The following IQGAP1 variants were observed in gnomAD, a reference collection of about 807,000 sequenced individuals.
IQGAP1 encodes ras GTPase-activating-like protein IQGAP1.
In IQGAP1, 66 loss-of-function variants were observed where a neutral mutation model predicts 215.6. The observed-to-expected ratio is 0.31, with a 90% CI of 0.25 to 0.38. The LOEUF (loss-of-function observed/expected upper bound fraction) is 0.38. Ranked by LOEUF, IQGAP1 falls within the 10% of genes least tolerant of loss-of-function variation. The pLI, the probability that IQGAP1 is intolerant of heterozygous loss-of-function variation, is 1.00. For synonymous variants in IQGAP1, 772 were observed against 728.7 expected, an observed-to-expected ratio of 1.06 and a Z score of -0.96; for missense variants, 1,712 against 1,997.1, an observed-to-expected ratio of 0.86 and a Z score of 2.72.
chr15:90,440,362 CA>C, intron 6 of IQGAP1, 139 bp from the exon 7 acceptor site: 1 of 605,814 alleles, frequency 1.7e-6, no homozygotes, highest in African/African-American at 1.9e-5. Flanking sequence ...GCTTTCCATA[CA>C]TTGTATCTTT....
intron 12 of IQGAP1, 64 bp from the exon 13 acceptor site, chr15:90,453,068 T>A: frequency 1.9e-6 from 3 of 1,558,016 alleles, no homozygotes; most frequent in Non-Finnish European, 2.6e-6. Flanking sequence ...ATTAAACTTA[T>A]AACTCCCTGG....
intron 3 of IQGAP1, among the ~76,000 whole-genome samples, chr15:90,426,509 CA>C (rs967641193): frequency 7.8e-5 from 11 of 140,772 alleles, no homozygotes; most frequent in African/African-American, 2.8e-4. Context: ...TGTCCCCCCA[CA>C]AAAAAATATG....
intron 11 of IQGAP1, among the ~76,000 whole-genome samples, chr15:90,451,045 C>T (rs1196209483): frequency 6.6e-6 from 1 of 152,066 alleles, no homozygotes; most frequent in African/African-American, 2.4e-5. Context: ...TTGCTTAGAC[C>T]AGTGTCCTGA....
Position 90,484,229 on chromosome 15 carries a change from C to T in IQGAP1, c.3798C>T (p.Phe1266=). ...SQSYQKFRRF[F]QTACDVPELQ... ...CCTGTGCTTATTTCAGACGGTTTTT[C>T]CAAACTGCTTGTGATGTCCCAGAGC... is the stretch of plus-strand genomic sequence containing the variant. The change falls in exon 30 of 38, where the codon TTC becomes TTT. Residue 1266 remains phenylalanine, a synonymous_variant. Coordinates refer to ENST00000268182, the MANE Select transcript of IQGAP1 (RefSeq NM_003870.4). 6.2e-7 allele frequency: 1 copy of T among 1,613,122 alleles called. No homozygotes were observed. Among genetic ancestry groups the T allele is most frequent in the Non-Finnish European group, 8.5e-7 (1 of 1,179,658 alleles).
chr15:90,447,525 A>G (rs1322941600), intron 9 of IQGAP1, among the ~76,000 whole-genome samples: 1 of 152,090 alleles, frequency 6.6e-6, no homozygotes, highest in Admixed American at 6.6e-5. Context: ...TATTTTTGGT[A>G]TTTTATTGAT....
intron 17 of IQGAP1, among the ~76,000 whole-genome samples, chr15:90,467,015 C>T (rs1347230284): frequency 6.6e-6 from 1 of 152,076 alleles, no homozygotes; most frequent in Non-Finnish European, 1.5e-5. Context: ...TCGCCTGAAC[C>T]CGGGAGGCAG....
intron 26 of IQGAP1, among the ~76,000 whole-genome samples, chr15:90,481,269 CTTTTTTTTTTT>C (rs57452745): frequency 0.19 from 22,054 of 113,272 alleles, 2,600 homozygotes; most frequent in East Asian, 0.5. Flanking sequence ...CTCTCTGCCT[CTTTTTTTTTTT>C]TTTTTTTTTT....
chr15:90,400,407 C>T (rs1292362537), intron 2 of IQGAP1, among the ~76,000 whole-genome samples: 5 of 152,084 alleles, frequency 3.3e-5, no homozygotes, highest in South Asian at 2.1e-4. Flanking sequence ...ATTCCTTTTC[C>T]GTCTCCATTC....
At chr15:90,477,428 C>T (rs907849167) in intron 25 of IQGAP1, among the ~76,000 whole-genome samples, 198 bp downstream of exon 25, 1 of 151,782 alleles carries the variant, frequency 6.6e-6, no homozygotes, top group African/African-American at 2.4e-5. Context: ...ACTTTAGGAA[C>T]ATTCTGTATT....
chr15:90,393,267 A>G (rs576989998), intron 2 of IQGAP1, among the ~76,000 whole-genome samples: 2 of 152,258 alleles, frequency 1.3e-5, no homozygotes, highest in South Asian at 2.1e-4. Context: ...CAACTTCCTT[A>G]TATAAAATGG....
intron 2 of IQGAP1, among the ~76,000 whole-genome samples, chr15:90,400,827 CCTGCCT>C (rs1262592123): frequency 6.6e-6 from 1 of 152,184 alleles, no homozygotes; most frequent in Non-Finnish European, 1.5e-5. Context: ...AGTGTGGTGA[CCTGCCT>C]CTGATTGCTG....
At chr15:90,389,478 G>A (rs1460041115) in intron 1 of IQGAP1, among the ~76,000 whole-genome samples, 1 of 151,596 alleles carries the variant, frequency 6.6e-6, no homozygotes, top group Non-Finnish European at 1.5e-5. Flanking sequence ...GAGTACAGGC[G>A]TCGGCCACCA....
chr15:90,388,348 G>A lies in IQGAP1; in HGVS notation c.7G>A (p.Ala3Thr), dbSNP rs751916563. The change falls in exon 1 of 38, where the codon GCC becomes ACC. Residue 3 changes from alanine to threonine, a missense_variant. By Grantham distance (58) the Ala-to-Thr change is moderately conservative (BLOSUM62 0). Around this residue, in one of 2 missense-constraint regions of IQGAP1, gnomAD observed 1,021 missense variants for 1,074.2 expected, o/e 0.95. Coordinates refer to ENST00000268182, the MANE Select transcript of IQGAP1 (RefSeq NM_003870.4). The stretch of plus-strand genomic sequence containing the variant: ...AGACTCGGGCTCGTCCGCCATGTCC[G>A]CCGCAGACGAGGTTGACGGGCTGGG... MSAADEVDGLGVA... is the reference protein window; with the variant it reads MSTADEVDGLGVA... The A allele has an allele frequency of 1.3e-6, 2 of 1,595,958 alleles. No homozygotes were observed. The highest frequency in any genetic ancestry group is 3.4e-5 in the Admixed American group (2 of 59,252).
intron 2 of IQGAP1, 69 bp downstream of exon 2, chr15:90,390,942 A>T: frequency 9.7e-7 from 1 of 1,032,314 alleles, no homozygotes; most frequent in South Asian, 1.3e-5. Flanking sequence ...ACAAATAAAG[A>T]TTGCTTTGAG....
intron 30 of IQGAP1, among the ~76,000 whole-genome samples, chr15:90,484,722 C>T (rs753194783): frequency 6.6e-6 from 1 of 152,076 alleles, no homozygotes; most frequent in East Asian, 1.9e-4. Context: ...TGTTAGCCAG[C>T]ATGGTGTCGA....
intron 2 of IQGAP1, among the ~76,000 whole-genome samples, chr15:90,401,234 A>T (rs1023770866): frequency 1.3e-5 from 2 of 152,178 alleles, no homozygotes; most frequent in Non-Finnish European, 2.9e-5. Flanking sequence ...TGCGTGAATT[A>T]AAAAAATCTT....
chr15:90,435,069 A>C (rs1382947634), intron 5 of IQGAP1, among the ~76,000 whole-genome samples: 1 of 152,194 alleles, frequency 6.6e-6, no homozygotes, highest in Non-Finnish European at 1.5e-5. Flanking sequence ...CAGTTTCTTG[A>C]GCAAACATGT....
intron 2 of IQGAP1, among the ~76,000 whole-genome samples, chr15:90,403,025 C>CT (rs1438398125): frequency 6.6e-6 from 1 of 152,146 alleles, no homozygotes; most frequent in African/African-American, 2.4e-5. Context: ...AATCCCAACA[C>CT]TTACGGAGGC....
chr15:90,417,187 G>A (rs1965065423), intron 2 of IQGAP1, among the ~76,000 whole-genome samples: 1 of 152,118 alleles, frequency 6.6e-6, no homozygotes, highest in African/African-American at 2.4e-5. Flanking sequence ...AGTTTCTTTT[G>A]CTGTGCAGAA....
Sources: gnomAD v4.1 joint callset for allele counts (sites outside exome capture counted in the v4.1 genomes callset) on GRCh38, gnomAD v4.1.1 for gene constraint, gnomAD v4.1.1 regional missense constraint, MANE v1.5 for transcripts, NCBI Gene and HGNC (gene_info 2026-07-23, HGNC 2026-07-21) for gene names.